The following MITD1 variants were observed in gnomAD, a reference collection of about 807,000 sequenced individuals.
MITD1 encodes microtubule interacting and trafficking domain containing 1, also known as MIT domain-containing protein 1.
MITD1 carries 24 observed loss-of-function variants against 34.9 expected under a neutral mutation model. The observed-to-expected ratio is 0.69, with a 90% CI of 0.50 to 0.97. The LOEUF (loss-of-function observed/expected upper bound fraction) is 0.97, where lower values mean the gene tolerates loss of function less well. Ranked by LOEUF, MITD1 falls within the 50% of genes least tolerant of loss-of-function variation. The probability of loss-of-function intolerance (pLI) is 0.00; values close to 1 mark genes in which losing one functional copy is unlikely to be tolerated. For missense variants in MITD1, 266 were observed against 294.6 expected (o/e 0.90, Z 0.71); for synonymous variants, 102 against 101.4 (o/e 1.01, Z -0.04).
At chr2:99,163,176 C>T (rs1478803754) in intron 7 of MITD1, 20 of 564,522 alleles carry the variant, frequency 3.5e-5, no homozygotes, top group South Asian at 2.0e-4. Context: ...CTTTTAGTAA[C>T]GTCAAAAAAA....
chr2:99,166,569 C>T (rs1296442387), downstream of MITD1, among the ~76,000 whole-genome samples: 2 of 150,414 alleles, frequency 1.3e-5, no homozygotes, highest in African/African-American at 4.9e-5. Context: ...GCATCTGGCT[C>T]GAGATGTGTG....
chr2:99,171,888 A>G (rs908543659), intron 2 of MITD1: 1 of 429,956 alleles, frequency 2.3e-6, no homozygotes, highest in Non-Finnish European at 4.2e-6. Context: ...CAAGGGGGAA[A>G]ATCTAGAGGT....
At chr2:99,171,938 G>A (rs2093860618) in intron 2 of MITD1, 2 of 321,338 alleles carry the variant, frequency 6.2e-6, no homozygotes, top group Non-Finnish European at 1.2e-5. Context: ...TATAGACCAG[G>A]CAGTTTGTTG....
intron 1 of MITD1, among the ~76,000 whole-genome samples, chr2:99,174,327 C>G (rs1559180410): frequency 1.3e-5 from 2 of 152,068 alleles, no homozygotes; most frequent in Non-Finnish European, 2.9e-5. Flanking sequence ...ACTATTTTAT[C>G]CTAACTACCC....
At chr2:99,171,487 T>C (rs760209875) in intron 3 of MITD1, 23 bp downstream of exon 3, 1 of 1,588,114 alleles carries the variant, frequency 6.3e-7, no homozygotes, top group Non-Finnish European at 8.6e-7. Flanking sequence ...GATATTTCAT[T>C]ATATTTTAGT....
At chr2:99,168,955 T>TA (rs1259608725), downstream of MITD1, among the ~76,000 whole-genome samples, 2 of 82,292 alleles carry the variant, frequency 2.4e-5, no homozygotes, top group Non-Finnish European at 5.9e-5. Context: ...AATTTTTTTT[T>TA]TTTTTTTTTT....
downstream of MITD1, chr2:99,169,150 G>A: frequency 3.2e-6 from 1 of 309,842 alleles, no homozygotes; most frequent in East Asian, 6.5e-5. Context: ...AGAGAAGCTG[G>A]TAAAATGTTT....
At chr2:99,171,872 G>C (rs1238473329) in intron 2 of MITD1, 4 of 466,270 alleles carry the variant, frequency 8.6e-6, no homozygotes, top group African/African-American at 2.0e-5. Context: ...CTTCACAGAG[G>C]CTAGGCAAGG....
chr2:99,162,479 C>G lies in MITD1; in HGVS notation c.*4-261G>C, dbSNP rs767133038. The G allele has an allele frequency of 1.7e-5, 28 of 1,614,106 alleles. No homozygotes were observed. The South Asian group carries it at 2.7e-4, about 16-fold the overall frequency. On this transcript the variant is annotated intron_variant, in intron 7 of 7. Transcript: ENST00000422537. Reference sequence around the variant, plus strand: ...CTTCTAAGATCGGCCGGACTACTGCCTATCACCATTGCACTTTATTATGTA... The same window carrying G: ...CTTCTAAGATCGGCCGGACTACTGCGTATCACCATTGCACTTTATTATGTA...
At chr2:99,165,030 ACACACACACACACAC>A (rs2093820495), downstream of MITD1, among the ~76,000 whole-genome samples, 1 of 74,520 alleles carries the variant, frequency 1.3e-5, no homozygotes. Flanking sequence ...ACACACACAC[ACACACACACACACAC>A]ACACACACAC....
intron 7 of MITD1, among the ~76,000 whole-genome samples, chr2:99,164,248 A>C (rs35071324): frequency 0.056 from 8,557 of 152,108 alleles, 471 homozygotes; most frequent in East Asian, 0.21. Flanking sequence ...ACAAACCTTG[A>C]TTCATAATTT....
In MITD1 at chr2:99,171,584, G is replaced by C; in HGVS notation, c.316C>G (p.Leu106Val). Residue 106 changes from leucine to valine, a missense_variant, in exon 3 of 7, where the codon CTT becomes GTT. Coordinates refer to ENST00000289359, the MANE Select transcript of MITD1 (RefSeq NM_138798.3). ...ENATGFSYESLFREYLNETVT... is the reference protein window; with the variant it reads ...ENATGFSYESVFREYLNETVT... ...GTCTCATTAAGGTATTCGCGAAAAA[G>C]TGACTCATAACTGAAACCTGTTGCA... is the stretch of plus-strand genomic sequence containing the variant. The C allele has an allele frequency of 6.2e-7, 1 of 1,613,030 alleles. No homozygotes were observed. The highest frequency in any genetic ancestry group is 8.5e-7 in the Non-Finnish European group (1 of 1,179,286).
chr2:99,165,242 A>G (rs1284669145), downstream of MITD1, among the ~76,000 whole-genome samples: 1 of 151,884 alleles, frequency 6.6e-6, no homozygotes, highest in Non-Finnish European at 1.5e-5. Context: ...TAATTTTTGT[A>G]TTTTGAGTGC....
chr2:99,173,767 G>A (rs1421744295), intron 2 of MITD1, 148 bp downstream of exon 2: 10 of 663,196 alleles, frequency 1.5e-5, no homozygotes, highest in Non-Finnish European at 2.7e-5. Context: ...ACTCCTGTAT[G>A]GGAGTGGAAA....
rs1202212055 is a variant in MITD1, at chr2:99,180,860, C to T, written c.122G>A (p.Gly41Glu). 11 of 1,614,162 alleles carry T rather than the reference C, an allele frequency of 6.8e-6. No homozygotes were observed. Among genetic ancestry groups the T allele is most frequent in the Non-Finnish European group, 9.3e-6 (11 of 1,180,030 alleles). ...CAGAACCTGCAGGAGCAGATCAATCCCCTCTTGGTAACACACCAGAGCCTG... is the reference window on the plus strand; with the variant it reads ...CAGAACCTGCAGGAGCAGATCAATCTCCTCTTGGTAACACACCAGAGCCTG... The part of the protein sequence containing the change: ...YPQALVCYQE[G>E]IDLLLQVLKG... The change falls in exon 1 of 7, where the codon GGG becomes GAG. Residue 41 changes from glycine (G) to glutamate (E), a missense_variant. Physicochemically the swap from Gly to Glu is moderately conservative, Grantham distance 98. Transcript: ENST00000289359.
intron 1 of MITD1, chr2:99,178,147 T>C (rs759143413): frequency 2.6e-5 from 4 of 152,340 alleles, no homozygotes; most frequent in South Asian, 4.1e-4. Flanking sequence ...GCAGTAAGCT[T>C]GGGAGTACAA....
chr2:99,173,882 T>C (rs769115015), intron 2 of MITD1, 33 bp downstream of exon 2: 1 of 1,327,960 alleles, frequency 7.5e-7, no homozygotes, highest in Admixed American at 1.7e-5. Context: ...TCACAGTTGT[T>C]TATGGATGCA....
In MITD1 at chr2:99,171,540, T is replaced by C; in HGVS notation, c.360A>G (p.Ile120Met). The change falls in exon 3 of 7, where the codon ATA (isoleucine) becomes ATG (methionine). Residue 120 changes from isoleucine to methionine, a missense_variant. Ile to Met is a conservative substitution (Grantham distance 10). Transcript: ENST00000289359. ...YLNETVTEVWIEDPYIRHTHQ... is the reference protein window; with the variant it reads ...YLNETVTEVWMEDPYIRHTHQ... ...GAGTATGTCTAATATAAGGATCTTC[T>C]ATCCAAACTTCTGTAACTGTCTCAT... is the stretch of plus-strand genomic sequence containing the variant. 6.2e-7 allele frequency: 1 copy of C among 1,611,756 alleles called. No homozygotes were observed. The highest frequency in any genetic ancestry group is 1.1e-5 in the South Asian group (1 of 90,966).
chr2:99,166,584 A>T (rs1173924642), downstream of MITD1, among the ~76,000 whole-genome samples: 2 of 151,504 alleles, frequency 1.3e-5, no homozygotes, highest in Non-Finnish European at 2.9e-5. Context: ...TGTGTGTACT[A>T]ATAGGAATGA....
Sources: allele counts gnomAD v4.1 joint callset (sites outside exome capture counted in the v4.1 genomes callset), GRCh38; gene constraint gnomAD v4.1.1; transcripts MANE v1.5; gene names NCBI Gene and HGNC (gene_info 2026-07-23, HGNC 2026-07-21).